The following PRRC2C variants were observed in gnomAD, a reference collection of about 807,000 sequenced individuals.
The protein encoded by PRRC2C is proline rich coiled-coil 2C, also known as protein PRRC2C.
In PRRC2C, 72 loss-of-function variants were observed where a neutral mutation model predicts 317.2. That is an observed-to-expected ratio of 0.23 (90% CI 0.19 to 0.28). The LOEUF is 0.28. Ranked by LOEUF, PRRC2C falls within the 10% of genes least tolerant of loss-of-function variation. The pLI, the probability that PRRC2C is intolerant of heterozygous loss-of-function variation, is 1.00. For missense variants in PRRC2C, 3,074 were observed against 3,459.7 expected, an observed-to-expected ratio of 0.89 and a Z score of 2.80; for synonymous variants, 1,296 against 1,205.9, an observed-to-expected ratio of 1.07 and a Z score of -1.55.
At chr1:171,568,407 T>A (rs1482627410) in intron 23 of PRRC2C, 68 bp downstream of exon 23, 39 of 1,532,660 alleles carry the variant, frequency 2.5e-5, no homozygotes, top group Non-Finnish European at 3.4e-5. Context: ...AGCACATTAT[T>A]TCATGTTTTA....
In PRRC2C at chr1:171,541,377, A is replaced by C; in HGVS notation, c.3911A>C (p.His1304Pro). 1 of 1,612,686 alleles carries C rather than the reference A, an allele frequency of 6.2e-7. No individual in the cohort carries two copies. Among genetic ancestry groups the C allele is most frequent in the East Asian group, 2.2e-5 (1 of 44,880 alleles). The change falls in exon 16 of 35, where the codon CAT becomes CCT. Residue 1304 changes from histidine (H) to proline (P), a missense_variant. Physicochemically the swap from His to Pro is moderately conservative, Grantham distance 77 (BLOSUM62 -2). Around this residue, in one of 11 missense-constraint regions of PRRC2C, gnomAD observed 1,320 missense variants for 1,395.7 expected, o/e 0.95. Coordinates refer to ENST00000647382, the MANE Select transcript of PRRC2C (RefSeq NM_001387844.1). This position sits in a 1 kb window ranked among gnomAD's most constrained non-coding sequence, Gnocchi z 4.1. The part of the protein sequence containing the change: ...RPENKKPVKP[H>P]SSFKPDNHVR... ...GAAAACAAAAAACCTGTAAAGCCTC[A>C]TTCTTCTTTCAAGCCTGATAATCAT...
intron 18 of PRRC2C, among the ~76,000 whole-genome samples, chr1:171,553,355 CTTCT>C (rs1469599402): frequency 6.6e-6 from 1 of 151,496 alleles, no homozygotes; most frequent in African/African-American, 2.4e-5. Context: ...TCTCTCTTTT[CTTCT>C]TTATTAGTCT....
intron 19 of PRRC2C, among the ~76,000 whole-genome samples, chr1:171,559,277 G>A (rs235485): frequency 0.76 from 115,133 of 152,088 alleles, 43,757 homozygotes; most frequent in Middle Eastern, 0.9. Flanking sequence ...GATGCCATCT[G>A]GGCCTTTCAT....
At position 171,587,104 on chromosome 1, in the gene PRRC2C, G is replaced by A; in HGVS notation, c.7851G>A (p.Gln2617=). The change falls in exon 31 of 35, where the codon CAG becomes CAA. Residue 2617 remains glutamine (Q), a synonymous_variant. Transcript: ENST00000647382. ...ALPQTLQPPL[Q]HTTPQAQAQS... ...CTCAGACTCTTCAGCCCCCATTACA[G>A]CATACCACTCCCCAAGCACAGGCTC... 1 of 1,611,810 alleles carries A rather than the reference G, an allele frequency of 6.2e-7. No individual in the cohort carries two copies. Among genetic ancestry groups the A allele is most frequent in the Non-Finnish European group, 8.5e-7 (1 of 1,179,084 alleles).
At chr1:171,550,488 T>C (rs888411617) in intron 18 of PRRC2C, among the ~76,000 whole-genome samples, 7 of 151,202 alleles carry the variant, frequency 4.6e-5, no homozygotes, top group Non-Finnish European at 1.0e-4. Context: ...TTTTAAATAC[T>C]GTAAGTTCTA....
intron 10 of PRRC2C, among the ~76,000 whole-genome samples, chr1:171,525,211 A>G (rs1216118676): frequency 3.3e-5 from 5 of 152,216 alleles, no homozygotes; most frequent in African/African-American, 1.2e-4. Context: ...ACCTTATGAT[A>G]TAGCTCAATC....
At chr1:171,579,300 A>G (rs1351840240) in intron 26 of PRRC2C, 54 bp from the exon 27 acceptor site, 1 of 1,530,424 alleles carries the variant, frequency 6.5e-7, no homozygotes, top group East Asian at 2.3e-5. Context: ...TACTGTTTGG[A>G]AAATTCTGAA....
In PRRC2C at chr1:171,588,623, G is replaced by A. The variant is rs72717849; in HGVS notation, c.8199+118G>A. The A allele has an allele frequency of 1.3e-5, 15 of 1,159,632 alleles. No homozygotes were observed. The South Asian group carries it at 2.4e-4, about 18-fold the overall frequency. 71.8% of individuals were successfully genotyped at this position (1,159,632 alleles called of 1,614,324 possible). Reference sequence around the variant, plus strand: ...GAAGTACAGTTTTTAATAAAAAATTGTTTCTGAATTTAACAATAAATTTAT... The same window carrying A: ...GAAGTACAGTTTTTAATAAAAAATTATTTCTGAATTTAACAATAAATTTAT... On this transcript the variant is annotated intron_variant, in intron 33 of 34. Transcript: ENST00000647382.
At chr1:171,536,359 G>A in intron 14 of PRRC2C, 81 bp downstream of exon 14, 1 of 1,457,090 alleles carries the variant, frequency 6.9e-7, no homozygotes, top group Non-Finnish European at 9.3e-7. Context: ...TTTGAGAGTT[G>A]TAATCTAGGA....
At chr1:171,579,723 ATTAATT>A (rs2102824344) in intron 27 of PRRC2C, 99 bp from the exon 28 acceptor site, 4 of 1,353,436 alleles carry the variant, frequency 3.0e-6, no homozygotes, top group East Asian at 2.4e-5. Flanking sequence ...GATATATAGT[ATTAATT>A]TTACTCTTTT....
intron 7 of PRRC2C, among the ~76,000 whole-genome samples, chr1:171,522,723 G>A (rs1164470105): frequency 2.6e-5 from 4 of 152,152 alleles, no homozygotes; most frequent in Admixed American, 6.5e-5. Flanking sequence ...GCAATGAGCC[G>A]AGATTGTGCC....
chr1:171,509,885 T>G (rs1670991356), intron 1 of PRRC2C: 1 of 137,802 alleles, frequency 7.3e-6, no homozygotes, highest in Non-Finnish European at 1.5e-5. Context: ...GGAGTCTTGG[T>G]CTGTCACCCA....
chr1:171,502,881 C>A (rs1233193453), intron 1 of PRRC2C, among the ~76,000 whole-genome samples: 1 of 152,110 alleles, frequency 6.6e-6, no homozygotes, highest in Non-Finnish European at 1.5e-5. Flanking sequence ...GCACCACACA[C>A]CCGGCTAGTT....
At chr1:171,551,303 G>C (rs1680198742) in intron 18 of PRRC2C, among the ~76,000 whole-genome samples, 1 of 152,124 alleles carries the variant, frequency 6.6e-6, no homozygotes, top group Admixed American at 6.5e-5. Context: ...CCCACTTTTT[G>C]ATGGGGTTGT....
At chr1:171,523,585 T>A in intron 9 of PRRC2C, 63 bp downstream of exon 9, 13 of 1,297,940 alleles carry the variant, frequency 1.0e-5, no homozygotes, top group Non-Finnish European at 1.3e-5. Context: ...TAGCTACTTA[T>A]GCAAAGAAGC....
intron 1 of PRRC2C, among the ~76,000 whole-genome samples, chr1:171,499,895 G>A (rs1668776148): frequency 6.6e-6 from 1 of 152,090 alleles, no homozygotes; most frequent in African/African-American, 2.4e-5. Context: ...CAAAGAAAAT[G>A]GTTTACACAG....
At chr1:171,524,487 T>C (rs1357437349) in intron 9 of PRRC2C, among the ~76,000 whole-genome samples, 1 of 152,192 alleles carries the variant, frequency 6.6e-6, no homozygotes, top group Non-Finnish European at 1.5e-5. Context: ...CAGAATAAAT[T>C]AGAATGCAGT....
At chr1:171,542,294 G>T in intron 16 of PRRC2C, 65 bp downstream of exon 16, 1 of 1,353,910 alleles carries the variant, frequency 7.4e-7, no homozygotes, top group South Asian at 1.5e-5. Context: ...TAGAGTTCTT[G>T]GTTGAATTAT....
rs141768518 is a variant in PRRC2C at position 171,557,894 on chromosome 1, C to G, written c.5782C>G (p.Pro1928Ala). 2.3e-3 allele frequency: 3,619 copies of G among 1,550,746 alleles called. 45 individuals are homozygous for G. Among genetic ancestry groups the G allele is most frequent in the African/African-American group, 0.018 (1,339 of 73,046 alleles). ...PTPVSAPNPA[P>A]PAPAQTQAQT... is the part of the protein sequence containing the mutation. ...CCCAGTCTCAGCCCCAAATCCTGCC[C>G]CACCTGCCCCAGCCCAGACTCAGGC... Residue 1928 changes from proline (P) to alanine (A), a missense_variant, in exon 19 of 35, where the codon CCA becomes GCA. This residue lies in a region of PRRC2C where 640 missense variants were observed against 676.1 expected (regional missense o/e 0.95). Transcript: ENST00000647382.
Sources: gnomAD v4.1 joint callset for allele counts (sites outside exome capture counted in the v4.1 genomes callset) on GRCh38, gnomAD v4.1.1 for gene constraint, gnomAD v4.1.1 regional missense constraint, Gnocchi (gnomAD v3.1) non-coding constraint, MANE v1.5 for transcripts, NCBI Gene and HGNC (gene_info 2026-07-23, HGNC 2026-07-21) for gene names.